Variants in FERMT1 observed in about 807,000 individuals in gnomAD.
FERMT1 encodes fermitin family homolog 1.
Under a neutral mutation model 85.3 loss-of-function variants are expected in FERMT1, and 60 were observed. The ratio of observed to expected loss-of-function variants is 0.70; its 90% CI spans 0.57 to 0.87. FERMT1 has a LOEUF of 0.87. FERMT1 is among the 40% of genes least tolerant of loss of function. The pLI, the probability that FERMT1 is intolerant of heterozygous loss-of-function variation, is 0.00. For missense variants in FERMT1, 701 were observed against 818.9 expected, an observed-to-expected ratio of 0.86 and a Z score of 1.76; for synonymous variants, 275 against 301.1, an observed-to-expected ratio of 0.91 and a Z score of 0.90.
At position 6,113,217 on chromosome 20, in the gene FERMT1, C is replaced by T. The variant is rs1032435622; in HGVS notation, c.386-594G>A. On this transcript the variant is annotated intron_variant, in intron 3 of 14. Coordinates refer to ENST00000217289, the MANE Select transcript of FERMT1 (RefSeq NM_017671.5). ...TTTGCCTGCTGCCATCCATGTAAGA[C>T]GTGACTTGCTCCTCCTTGCCTTCCT... Among the ~76,000 whole-genome samples the T allele has an allele frequency of 7.9e-5, 12 of 152,170 alleles. No homozygotes were observed. In the East Asian group the frequency reaches 1.2e-3, roughly 15 times the overall value.
At chr20:6,082,538 G>A (rs747255848) in intron 13 of FERMT1, among the ~76,000 whole-genome samples, 1 of 152,184 alleles carries the variant, frequency 6.6e-6, no homozygotes, top group African/African-American at 2.4e-5. Context: ...GTACGACTCC[G>A]CGCTTCCTCA....
At chr20:6,115,756 C>T (rs1319635605) in intron 3 of FERMT1, 55 bp downstream of exon 3, 1 of 1,301,850 alleles carries the variant, frequency 7.7e-7, no homozygotes, top group Non-Finnish European at 1.1e-6. Context: ...ACATAATTTT[C>T]CTGTCTAGCT....
In FERMT1 at chr20:6,085,298, CAG is replaced by C; in HGVS notation, c.1372-13_1372-12del. The C allele has an allele frequency of 3.1e-6, 5 of 1,612,528 alleles. No homozygotes were observed. Among genetic ancestry groups the C allele is most frequent in the Non-Finnish European group, 4.2e-6 (5 of 1,179,730 alleles). ...GGCGTATTGATTCTCCTGCAGCAAA[CAG>C]AAGGTTGAGAAGCAAGCTCAAGTGC... On this transcript the variant is annotated splice_polypyrimidine_tract_variant and intron_variant, in intron 11 of 14. Transcript: ENST00000217289.
In FERMT1 at chr20:6,077,068, TTGTC is replaced by T. The variant is rs1981845425; in HGVS notation, c.*101_*104del. On this transcript the variant is annotated 3_prime_UTR_variant, in exon 15 of 15. Transcript: ENST00000217289. ...CTGGGTGACCAGCGGTGAATGTATG[TTGTC>T]TGTTAGTCCAGAATCTACATGCTGG... The T allele has an allele frequency of 3.5e-6, 4 of 1,126,926 alleles. No individual in the cohort carries two copies. In the East Asian group the frequency reaches 9.4e-5, roughly 26 times the overall value. 69.8% of individuals were successfully genotyped at this position (1,126,926 alleles called of 1,614,324 possible). A position where few individuals can be genotyped will look rare whatever the true frequency, so the allele number is the denominator to read the frequency against.
chr20:6,078,641 T>TTTTTTGTA (rs1555798766), intron 14 of FERMT1, among the ~76,000 whole-genome samples: 1 of 139,174 alleles, frequency 7.2e-6, no homozygotes, highest in East Asian at 3.1e-4. Flanking sequence ...GCGTTTTTTT[T>TTTTTTGTA]TTTTGTTTTT....
chr20:6,108,399 G>A (rs1055390900), intron 5 of FERMT1, among the ~76,000 whole-genome samples: 1 of 152,186 alleles, frequency 6.6e-6, no homozygotes, highest in East Asian at 1.9e-4. Context: ...GTGCTTTATA[G>A]ATTTTTTTCT....
chr20:6,090,599 G>A (rs1173543521), intron 9 of FERMT1, among the ~76,000 whole-genome samples: 1 of 151,966 alleles, frequency 6.6e-6, no homozygotes, highest in East Asian at 1.9e-4. Context: ...TACAAAAAAA[G>A]AAAAATTAGC....
intron 11 of FERMT1, among the ~76,000 whole-genome samples, chr20:6,087,110 C>A (rs560631556): frequency 6.6e-6 from 1 of 152,078 alleles, no homozygotes; most frequent in Non-Finnish European, 1.5e-5. Flanking sequence ...TGTGTTGCTA[C>A]GTGCCCTCTC....
chr20:6,087,907 A>G, intron 10 of FERMT1, 24 bp from the exon 11 acceptor site: 1 of 1,331,400 alleles, frequency 7.5e-7, no homozygotes, highest in Non-Finnish European at 1.1e-6. Context: ...ATCAGAGACA[A>G]AACTGAGTTC....
chr20:6,115,848 C>G lies in FERMT1; in HGVS notation c.348G>C (p.Val116=). Residue 116 remains valine, a synonymous_variant, in exon 3 of 15, where the codon GTG becomes GTC. Transcript: ENST00000217289. The stretch of plus-strand genomic sequence containing the variant: ...AGATATCACTGACAGCTTTAAAAAC[C>G]ACAGCTGAGAAGCTGACTCGCAACC... The part of the protein sequence containing the change: ...MVRLRVSFSA[V]VFKAVSDICK... 6.2e-7 allele frequency: 1 copy of G among 1,614,158 alleles called. No homozygotes were observed. The highest frequency in any genetic ancestry group is 8.5e-7 in the Non-Finnish European group (1 of 1,180,038).
chr20:6,105,391 C>T (rs996807897), intron 6 of FERMT1, among the ~76,000 whole-genome samples: 2 of 152,196 alleles, frequency 1.3e-5, no homozygotes, highest in Non-Finnish European at 2.9e-5. Context: ...CCAATTGCAT[C>T]GACTTCGAAT....
At chr20:6,088,881 C>G in intron 10 of FERMT1, 84 bp downstream of exon 10, 11 of 1,414,602 alleles carry the variant, frequency 7.8e-6, no homozygotes, top group Non-Finnish European at 1.1e-5. Flanking sequence ...GCCTCAGCCT[C>G]CCAAAGTGCT....
At position 6,097,524 on chromosome 20, in the gene FERMT1, C is replaced by G. The variant is rs1417036919; in HGVS notation, c.957G>C (p.Gln319His). The change falls in exon 7 of 15, where the codon CAG (glutamine) becomes CAC (histidine). Residue 319 changes from glutamine (Q) to histidine (H), a missense_variant and splice_region_variant. Coordinates refer to ENST00000217289, the MANE Select transcript of FERMT1 (RefSeq NM_017671.5). ...EEEMLIFAAL[Q>H]YHISKLSLSA... is the part of the protein sequence containing the mutation. Reference sequence around the variant, plus strand: ...AGAAAAGGTACTGAAGTTCCCATACCTGTAGAGCTGCAAAGATCAACATTT... The same window carrying G: ...AGAAAAGGTACTGAAGTTCCCATACGTGTAGAGCTGCAAAGATCAACATTT... 6.2e-7 allele frequency: 1 copy of G among 1,606,800 alleles called. No homozygotes were observed. The highest frequency in any genetic ancestry group is 8.5e-7 in the Non-Finnish European group (1 of 1,173,330).
chr20:6,100,111 T>C (rs922921497), intron 6 of FERMT1, among the ~76,000 whole-genome samples: 1 of 151,912 alleles, frequency 6.6e-6, no homozygotes, highest in East Asian at 1.9e-4. Flanking sequence ...TATTTTACAA[T>C]AAAAAAGTCA....
Position 6,104,201 on chromosome 20 carries a change from A to T in FERMT1, c.849+3331T>A, listed in dbSNP as rs1189332355. Among the ~76,000 whole-genome samples, 1 of 152,164 alleles carries T rather than the reference A, an allele frequency of 6.6e-6. No individual in the cohort carries two copies. The highest frequency in any genetic ancestry group is 1.5e-5 in the Non-Finnish European group (1 of 68,032). On this transcript the variant is annotated intron_variant, in intron 6 of 14. Transcript: ENST00000217289. The surrounding 1 kb of genome is among the most constrained non-coding windows in gnomAD (Gnocchi z 4.2). ...TATTATTTTTGAAATGTTGAATTCTAGCATTTTACGTATCTGAGATTTTAA... is the reference window on the plus strand; with the variant it reads ...TATTATTTTTGAAATGTTGAATTCTTGCATTTTACGTATCTGAGATTTTAA...
intron 1 of FERMT1, 91 bp from the exon 2 acceptor site, chr20:6,119,663 T>C: frequency 1.9e-6 from 2 of 1,047,616 alleles, no homozygotes; most frequent in Admixed American, 2.1e-5. Context: ...TTTTTTGTTT[T>C]GTTTTTCATT....
At chr20:6,115,634 T>A (rs1352199014) in intron 3 of FERMT1, among the ~76,000 whole-genome samples, 177 bp downstream of exon 3, 3 of 152,226 alleles carry the variant, frequency 2.0e-5, no homozygotes, top group Non-Finnish European at 4.4e-5. Flanking sequence ...GCCAATAATG[T>A]TCCACTTGGC....
intron 13 of FERMT1, among the ~76,000 whole-genome samples, chr20:6,081,259 C>A (rs1981987932): frequency 7.3e-6 from 1 of 136,276 alleles, no homozygotes; most frequent in African/African-American, 2.8e-5. Context: ...GAGATCCTGC[C>A]TCTAATTAAA....
chr20:6,077,676 A>AT (rs1568651397), intron 14 of FERMT1, among the ~76,000 whole-genome samples: 2 of 151,504 alleles, frequency 1.3e-5, no homozygotes, highest in African/African-American at 4.9e-5. Context: ...CAGGCACTTT[A>AT]TTTTTATTTT....
Sources: allele counts gnomAD v4.1 joint callset (sites outside exome capture counted in the v4.1 genomes callset), GRCh38; gene constraint gnomAD v4.1.1; non-coding constraint Gnocchi (gnomAD v3.1); transcripts MANE v1.5; gene names NCBI Gene and HGNC (gene_info 2026-07-23, HGNC 2026-07-21).